Variants in SYN3 observed in about 807,000 individuals in gnomAD.
The protein encoded by SYN3 is synapsin-3.
A neutral mutation model predicts 65.8 loss-of-function variants in SYN3; 35 were observed. The observed-to-expected ratio is 0.53, with a 90% CI of 0.41 to 0.70. The LOEUF (loss-of-function observed/expected upper bound fraction) is 0.70, where lower values mean the gene tolerates loss of function less well. SYN3 is among the 30% of genes least tolerant of loss of function. The probability of loss-of-function intolerance (pLI) is 0.00; values close to 1 mark genes in which losing one functional copy is unlikely to be tolerated. For synonymous variants in SYN3, 270 were observed against 292.9 expected, an observed-to-expected ratio of 0.92 and a Z score of 0.80; for missense variants, 680 against 749.0, an observed-to-expected ratio of 0.91 and a Z score of 1.08.
intron 1 of SYN3, among the ~76,000 whole-genome samples, chr22:33,044,858 T>C (rs1409526075): frequency 1.3e-5 from 2 of 151,734 alleles, no homozygotes; most frequent in African/African-American, 4.8e-5. Flanking sequence ...TTTTTTTTTT[T>C]TGAGATGGAG....
chr22:32,822,155 CAA>C (rs35312009), intron 6 of SYN3, among the ~76,000 whole-genome samples: 6 of 108,266 alleles, frequency 5.5e-5, no homozygotes, highest in Admixed American at 9.4e-5. Context: ...AACTCCATCT[CAA>C]AAAAAAAAAA....
At chr22:32,819,011 G>A (rs763481144) in intron 6 of SYN3, among the ~76,000 whole-genome samples, 1 of 152,196 alleles carries the variant, frequency 6.6e-6, no homozygotes, top group Admixed American at 6.5e-5. Context: ...AAATAACCTC[G>A]AGGCTGGCCT....
At chr22:33,036,744 G>A (rs1209466194) in intron 1 of SYN3, among the ~76,000 whole-genome samples, 1 of 143,598 alleles carries the variant, frequency 7.0e-6, no homozygotes, top group East Asian at 2.0e-4. Flanking sequence ...CAGGCTGGAG[G>A]GCAATGCCGC....
intron 6 of SYN3, among the ~76,000 whole-genome samples, chr22:32,702,410 G>A (rs1340947896): frequency 1.3e-5 from 2 of 152,140 alleles, no homozygotes; most frequent in Admixed American, 6.5e-5. Flanking sequence ...CCCGGGAGGC[G>A]GAGCTTGCAG....
intron 6 of SYN3, among the ~76,000 whole-genome samples, chr22:32,809,062 T>C (rs1268175218): frequency 6.6e-6 from 1 of 152,170 alleles, no homozygotes; most frequent in East Asian, 1.9e-4. Flanking sequence ...ACAAACATAA[T>C]ACTGTAATTT....
rs550063089 is a variant in SYN3, at chr22:32,640,367, G to C, written c.712-43631C>G. On this transcript the variant is annotated intron_variant, in intron 6 of 13. Coordinates refer to ENST00000358763, the MANE Select transcript of SYN3 (RefSeq NM_003490.4). ...TGGCACAAGATGGCTGTTTAGAAAG[G>C]GTTGATGAATTAATGAGACATTATT... Among the ~76,000 whole-genome samples, 17 of 152,252 alleles carry C rather than the reference G, an allele frequency of 1.1e-4. 1 individual carries two copies. The South Asian group carries it at 3.5e-3, about 32-fold the overall frequency.
intron 2 of SYN3, among the ~76,000 whole-genome samples, chr22:32,981,865 A>T (rs914105333): frequency 6.6e-6 from 1 of 152,150 alleles, no homozygotes; most frequent in Non-Finnish European, 1.5e-5. Context: ...TTATCTTCAC[A>T]TATATGTTAA....
chr22:32,889,924 T>C (rs970419760), intron 4 of SYN3, among the ~76,000 whole-genome samples: 1 of 152,040 alleles, frequency 6.6e-6, no homozygotes, highest in African/African-American at 2.4e-5. Flanking sequence ...AATATTTGTA[T>C]TAATTTCCAT....
chr22:32,897,704 C>T (rs1569311032), intron 4 of SYN3, among the ~76,000 whole-genome samples: 1 of 152,206 alleles, frequency 6.6e-6, no homozygotes, highest in African/African-American at 2.4e-5. Flanking sequence ...GCTTACCTCA[C>T]AGAGTTGTTA....
chr22:32,635,097 A>G (rs1176865358), intron 6 of SYN3: 1 of 152,130 alleles, frequency 6.6e-6, no homozygotes, highest in Non-Finnish European at 1.5e-5. Context: ...TGCTTGTTGT[A>G]TATCGGTCTA....
chr22:32,863,096 A>G (rs1055443712), intron 6 of SYN3: 1 of 152,650 alleles, frequency 6.6e-6, no homozygotes, highest in Non-Finnish European at 1.5e-5. Flanking sequence ...TTATGTATAC[A>G]CCAGCAGGCC....
chr22:32,978,883 G>A (rs2052288466), intron 3 of SYN3, among the ~76,000 whole-genome samples: 1 of 152,056 alleles, frequency 6.6e-6, no homozygotes, highest in Non-Finnish European at 1.5e-5. Context: ...CATCATCAAT[G>A]TTATTGTTCT....
chr22:32,927,247 G>A (rs543930775), intron 4 of SYN3, among the ~76,000 whole-genome samples: 1 of 148,580 alleles, frequency 6.7e-6, no homozygotes, highest in Non-Finnish European at 1.5e-5. Context: ...TTTAAAGCCT[G>A]CTATTAATAT....
rs1280976143 is a variant in SYN3, at chr22:32,780,913, CTTCCTTCCTTCCTTCCTTCCT to C, written c.711+83981_711+84001del. Among the ~76,000 whole-genome samples the C allele has an allele frequency of 9.6e-4, 112 of 116,782 alleles. 1 individual carries two copies. Among genetic ancestry groups the C allele is most frequent in the African/African-American group, 4.4e-3 (106 of 24,040 alleles). 76.6% of individuals were successfully genotyped at this position (116,782 alleles called of 152,430 possible). ...CCTGCCTGCCTGCCTGCCTTCCTTG[CTTCCTTCCTTCCTTCCTTCCT>C]TTCCTTCCTTCCTTCCTTCCTTCCT... On this transcript the variant is annotated intron_variant, in intron 6 of 13. Transcript: ENST00000358763.
intron 6 of SYN3, among the ~76,000 whole-genome samples, chr22:32,834,581 G>A (rs578154236): frequency 2.8e-4 from 43 of 152,290 alleles, no homozygotes; most frequent in Admixed American, 9.2e-4. Context: ...AGGTGGCAGG[G>A]GGAGGTGGCT....
intron 6 of SYN3, among the ~76,000 whole-genome samples, chr22:32,814,135 T>TGA (rs769677665): frequency 3.6e-4 from 26 of 72,066 alleles, no homozygotes; most frequent in Non-Finnish European, 4.6e-4. Flanking sequence ...TGTGTGTGTG[T>TGA]GTGTGTGAGA....
chr22:32,894,031 T>G (rs1451198937), intron 4 of SYN3, among the ~76,000 whole-genome samples: 1 of 152,194 alleles, frequency 6.6e-6, no homozygotes. Flanking sequence ...TTGGTCCAAC[T>G]GGATCGAGTC....
chr22:32,796,048 A>T (rs1395129904), intron 6 of SYN3, among the ~76,000 whole-genome samples: 2 of 152,184 alleles, frequency 1.3e-5, no homozygotes, highest in Non-Finnish European at 2.9e-5. Flanking sequence ...TGCAACCTTC[A>T]AAGAAACCAC....
At chr22:32,873,856 G>C (rs2048916330) in intron 4 of SYN3, among the ~76,000 whole-genome samples, 1 of 152,180 alleles carries the variant, frequency 6.6e-6, no homozygotes, top group Non-Finnish European at 1.5e-5. Flanking sequence ...GCCAAATGCA[G>C]TGGCTCATGC....
Sources: allele counts gnomAD v4.1 joint callset (sites outside exome capture counted in the v4.1 genomes callset), GRCh38; gene constraint gnomAD v4.1.1; transcripts MANE v1.5; gene names NCBI Gene and HGNC (gene_info 2026-07-23, HGNC 2026-07-21).